Variants in ARHGAP44 observed in about 807,000 individuals in gnomAD.
ARHGAP44 encodes the protein rho GTPase-activating protein 44.
A neutral mutation model predicts 106.8 loss-of-function variants in ARHGAP44; 43 were observed. The ratio of observed to expected loss-of-function variants is 0.40; its 90% CI spans 0.32 to 0.52. ARHGAP44 has a LOEUF of 0.52. Among genes scored for constraint, ARHGAP44 ranks in the 20% least tolerant of loss-of-function variants. The pLI is 0.48. For missense variants in ARHGAP44, 866 were observed against 1,050.5 expected (o/e 0.82, Z 2.43); for synonymous variants, 439 against 410.3 (o/e 1.07, Z -0.85).
intron 1 of ARHGAP44, among the ~76,000 whole-genome samples, chr17:12,868,591 T>TCA (rs2036305530): frequency 2.1e-5 from 1 of 47,142 alleles, no homozygotes; most frequent in Non-Finnish European, 4.4e-5. Context: ...TATATGCATT[T>TCA]TATATATATA....
intron 1 of ARHGAP44, among the ~76,000 whole-genome samples, chr17:12,795,796 C>T (rs1208270773): frequency 6.6e-6 from 1 of 152,040 alleles, no homozygotes; most frequent in African/African-American, 2.4e-5. Context: ...CCTCTTCCCT[C>T]GGGCGTGGGG....
intron 1 of ARHGAP44, among the ~76,000 whole-genome samples, chr17:12,816,503 T>C (rs1446358032): frequency 6.6e-6 from 1 of 152,198 alleles, no homozygotes; most frequent in Non-Finnish European, 1.5e-5. Flanking sequence ...AAGCTGTCAT[T>C]ATTTTCAGAT....
chr17:12,858,760 G>A (rs1003774261), intron 1 of ARHGAP44, among the ~76,000 whole-genome samples: 3 of 152,128 alleles, frequency 2.0e-5, no homozygotes, highest in East Asian at 1.9e-4. Flanking sequence ...TTTTCATGCT[G>A]CTTATAAAGA....
At chr17:12,896,869 T>G (rs1455277719) in intron 3 of ARHGAP44, among the ~76,000 whole-genome samples, 1 of 152,216 alleles carries the variant, frequency 6.6e-6, no homozygotes, top group Non-Finnish European at 1.5e-5. Flanking sequence ...ATTCATAGAT[T>G]GCATTTGCCT....
At chr17:12,800,564 G>C (rs940093069) in intron 1 of ARHGAP44, among the ~76,000 whole-genome samples, 2 of 152,202 alleles carry the variant, frequency 1.3e-5, no homozygotes, top group Non-Finnish European at 2.9e-5. Flanking sequence ...TTCTGGAAGT[G>C]ACGCGTGCCA....
intron 19 of ARHGAP44, among the ~76,000 whole-genome samples, chr17:12,981,753 G>A (rs1001173735): frequency 1.3e-5 from 2 of 149,606 alleles, no homozygotes; most frequent in African/African-American, 4.9e-5. Flanking sequence ...GCCCCTGCCT[G>A]TAATCCTAGC....
chr17:12,849,048 CAA>C lies in ARHGAP44; in HGVS notation c.54-45877_54-45876del, dbSNP rs58661356. ...GGGCAACAAGAGCAAAACTCCATCT[CAA>C]AAAAAAAAAAAAAAGTTGACTAGAT... is the stretch of plus-strand genomic sequence containing the variant. On this transcript the variant is annotated intron_variant, in intron 1 of 20. Transcript: ENST00000379672. 5.6e-3 allele frequency among the ~76,000 whole-genome samples: 615 copies of C among 110,082 alleles called. 7 individuals carry two copies. Among genetic ancestry groups the C allele is most frequent in the African/African-American group, 0.013 (473 of 35,450 alleles). The allele number at this position is 110,082 out of a possible 152,430, so 72.2% of individuals were successfully genotyped here. A position where few individuals can be genotyped will look rare whatever the true frequency, so the allele number is the denominator to read the frequency against.
In ARHGAP44 at chr17:12,867,836, T is replaced by G. The variant is rs141122275; in HGVS notation, c.54-27104T>G. On this transcript the variant is annotated intron_variant, in intron 1 of 20. Transcript: ENST00000379672. Reference sequence around the variant, plus strand: ...ATGCCATGGTCTCTGACAAACCACATAAATCTTGTTGAATAGCACCTAACG... The same window carrying G: ...ATGCCATGGTCTCTGACAAACCACAGAAATCTTGTTGAATAGCACCTAACG... Among the ~76,000 whole-genome samples, 5 of 152,280 alleles carry G rather than the reference T, an allele frequency of 3.3e-5. No individual in the cohort carries two copies. In the East Asian group the frequency reaches 9.6e-4, roughly 29 times the overall value.
At chr17:12,792,241 G>A (rs1488151054) in intron 1 of ARHGAP44, among the ~76,000 whole-genome samples, 2 of 152,104 alleles carry the variant, frequency 1.3e-5, no homozygotes, top group Admixed American at 6.5e-5. Context: ...TGGTTCCAAG[G>A]CCTTCAAGAG....
intron 16 of ARHGAP44, among the ~76,000 whole-genome samples, chr17:12,972,161 G>A (rs1402307652): frequency 2.0e-5 from 3 of 152,156 alleles, no homozygotes; most frequent in African/African-American, 4.8e-5. Flanking sequence ...GTGCAGATAC[G>A]TGATAGAGAC....
Position 12,930,142 on chromosome 17 carries a change from A to G in ARHGAP44, c.582+1096A>G, listed in dbSNP as rs942847855. ...CATTTGAACTCCTGCATATATGCCA[A>G]ATATCTGGCGTGTGTGGTATTCCTG... On this transcript the variant is annotated intron_variant, in intron 7 of 20. Transcript: ENST00000379672. Among the ~76,000 whole-genome samples the G allele has an allele frequency of 1.6e-4, 25 of 152,200 alleles. 3 individuals are homozygous for G. The highest frequency in any genetic ancestry group is 1.5e-3 in the Admixed American group (23 of 15,278).
At chr17:12,850,381 AT>A (rs1197532891) in intron 1 of ARHGAP44, among the ~76,000 whole-genome samples, 1 of 152,116 alleles carries the variant, frequency 6.6e-6, no homozygotes, top group Non-Finnish European at 1.5e-5. Context: ...GCAGAGCACC[AT>A]TTTTTAAGAA....
rs943216915 is a variant in ARHGAP44, at chr17:12,908,985, C to T, written c.275+12C>T. Reference sequence around the variant, plus strand: ...GACACACTTCTTGGGTAAGGTGACACCTTGCGTGAGTTTGGTGCCAAATCT... The same window carrying T: ...GACACACTTCTTGGGTAAGGTGACATCTTGCGTGAGTTTGGTGCCAAATCT... On this transcript the variant is annotated intron_variant, in intron 4 of 20. Coordinates refer to ENST00000379672, the MANE Select transcript of ARHGAP44 (RefSeq NM_014859.6). The T allele has an allele frequency of 6.3e-7, 1 of 1,577,314 alleles. No homozygotes were observed. The highest frequency in any genetic ancestry group is 1.4e-5 in the African/African-American group (1 of 72,646).
At chr17:12,926,327 T>G (rs1348937196) in intron 6 of ARHGAP44, among the ~76,000 whole-genome samples, 1 of 150,734 alleles carries the variant, frequency 6.6e-6, no homozygotes, top group Non-Finnish European at 1.5e-5. Flanking sequence ...ATTGCACCAC[T>G]GCACTCCAGC....
intron 1 of ARHGAP44, among the ~76,000 whole-genome samples, chr17:12,797,524 G>A (rs2033961076): frequency 6.6e-6 from 1 of 152,184 alleles, no homozygotes; most frequent in South Asian, 2.1e-4. Flanking sequence ...CAGATAAGCA[G>A]TGGTGGGTTA....
chr17:12,982,444 T>C (rs1333475787), intron 19 of ARHGAP44, among the ~76,000 whole-genome samples: 1 of 151,948 alleles, frequency 6.6e-6, no homozygotes, highest in Non-Finnish European at 1.5e-5. Flanking sequence ...GTCCCCCAGC[T>C]CCTTCGTGAG....
At chr17:12,960,938 A>G (rs1198912429) in intron 16 of ARHGAP44, among the ~76,000 whole-genome samples, 2 of 152,204 alleles carry the variant, frequency 1.3e-5, no homozygotes, top group East Asian at 3.9e-4. Flanking sequence ...AAAACTAGAC[A>G]GTGCATTGGA....
intron 1 of ARHGAP44, among the ~76,000 whole-genome samples, chr17:12,822,468 G>A (rs1455151431): frequency 3.3e-5 from 5 of 152,098 alleles, no homozygotes; most frequent in African/African-American, 1.2e-4. Flanking sequence ...CTTTTTCTGG[G>A]TTAAAGCTCT....
At chr17:12,842,016 T>A (rs1451503990) in intron 1 of ARHGAP44, among the ~76,000 whole-genome samples, 2 of 152,046 alleles carry the variant, frequency 1.3e-5, no homozygotes, top group Non-Finnish European at 2.9e-5. Context: ...GCATGACCTC[T>A]GAGGTAAGGA....
Sources: allele counts gnomAD v4.1 joint callset (sites outside exome capture counted in the v4.1 genomes callset), GRCh38; gene constraint gnomAD v4.1.1; transcripts MANE v1.5; gene names NCBI Gene and HGNC (gene_info 2026-07-23, HGNC 2026-07-21).